Variants in ZFHX3 observed in about 807,000 individuals in gnomAD.
ZFHX3 encodes zinc finger homeobox 3.
A neutral mutation model predicts 279.1 loss-of-function variants in ZFHX3; 42 were observed. The observed-to-expected ratio is 0.15, with a 90% CI of 0.12 to 0.19. ZFHX3 has a LOEUF of 0.19. Among genes scored for constraint, ZFHX3 ranks in the 10% least tolerant of loss-of-function variants. The pLI is 1.00. For synonymous variants in ZFHX3, 2,293 were observed against 1,957.8 expected, an observed-to-expected ratio of 1.17 and a Z score of -4.52; for missense variants, 4,981 against 4,754.0, an observed-to-expected ratio of 1.05 and a Z score of -1.40.
intron 2 of ZFHX3, among the ~76,000 whole-genome samples, chr16:73,494,005 TC>T (rs1334404263): frequency 6.6e-6 from 1 of 151,866 alleles, no homozygotes; most frequent in African/African-American, 2.4e-5. Context: ...TTCTACCTTC[TC>T]CTTGAAGACT....
chr16:73,139,149 A>G (rs1461062518), intron 6 of ZFHX3, among the ~76,000 whole-genome samples: 1 of 151,564 alleles, frequency 6.6e-6, no homozygotes, highest in Non-Finnish European at 1.5e-5. Flanking sequence ...TTCATTGTTT[A>G]CAACATCACT....
intron 2 of ZFHX3, among the ~76,000 whole-genome samples, chr16:73,607,191 G>A (rs1025275009): frequency 2.0e-5 from 3 of 152,112 alleles, no homozygotes; most frequent in Admixed American, 6.5e-5. Flanking sequence ...ACCATGCCTG[G>A]CTAATTTTTG....
intron 7 of ZFHX3, among the ~76,000 whole-genome samples, chr16:73,109,674 G>A (rs1340698526): frequency 1.3e-5 from 2 of 152,184 alleles, no homozygotes; most frequent in African/African-American, 4.8e-5. Flanking sequence ...CAGGGTGAAA[G>A]CCCATCTCTA....
intron 3 of ZFHX3, among the ~76,000 whole-genome samples, chr16:73,438,353 G>A (rs998809511): frequency 6.6e-6 from 1 of 152,188 alleles, no homozygotes; most frequent in African/African-American, 2.4e-5. Flanking sequence ...TGCTGATAAT[G>A]CAGTCACTGG....
chr16:72,950,162 A>T (rs1960911444), intron 3 of ZFHX3, among the ~76,000 whole-genome samples: 1 of 152,010 alleles, frequency 6.6e-6, no homozygotes, highest in Non-Finnish European at 1.5e-5. Flanking sequence ...GGAGCAGAGG[A>T]TGCAAAAGAG....
At chr16:73,184,881 T>C (rs542772611) in intron 5 of ZFHX3, among the ~76,000 whole-genome samples, 22 of 152,386 alleles carry the variant, frequency 1.4e-4, no homozygotes, top group African/African-American at 4.8e-5. Context: ...GAAACATTCA[T>C]TGATTATCTC....
chr16:73,657,317 C>T (rs969818926), intron 2 of ZFHX3, among the ~76,000 whole-genome samples: 1 of 152,220 alleles, frequency 6.6e-6, no homozygotes. Flanking sequence ...ATTAGCCGGG[C>T]GTGGTGGTGC....
intron 3 of ZFHX3, among the ~76,000 whole-genome samples, chr16:73,404,428 C>T (rs960632369): frequency 5.9e-5 from 9 of 152,130 alleles, no homozygotes; most frequent in African/African-American, 1.2e-4. Context: ...GAGGAAAACT[C>T]GTAGGACCTC....
intron 8 of ZFHX3, among the ~76,000 whole-genome samples, chr16:73,079,942 A>T (rs1567658746): frequency 1.3e-5 from 2 of 152,240 alleles, no homozygotes; most frequent in Middle Eastern, 3.4e-3. Context: ...GAGGTCACAC[A>T]GAGCAAGTTT....
At chr16:73,448,884 A>G (rs1164114940) in intron 3 of ZFHX3, among the ~76,000 whole-genome samples, 1 of 152,170 alleles carries the variant, frequency 6.6e-6, no homozygotes, top group Admixed American at 6.5e-5. Context: ...TTCAGAAAGA[A>G]AACTCATGTA....
chr16:73,664,506 T>C (rs1900862672), intron 2 of ZFHX3, among the ~76,000 whole-genome samples: 2 of 152,218 alleles, frequency 1.3e-5, no homozygotes, highest in Admixed American at 6.5e-5. Context: ...GATTCAGTGA[T>C]TGCAAGTGAT....
chr16:73,511,212 G>T (rs945186743), intron 2 of ZFHX3, among the ~76,000 whole-genome samples: 6 of 152,204 alleles, frequency 3.9e-5, no homozygotes, highest in Admixed American at 2.0e-4. Context: ...CAAGTTCCAG[G>T]TAGGATTCAG....
At chr16:73,631,163 G>C (rs1267694890) in intron 2 of ZFHX3, among the ~76,000 whole-genome samples, 1 of 152,180 alleles carries the variant, frequency 6.6e-6, no homozygotes, top group Non-Finnish European at 1.5e-5. Flanking sequence ...GGTCAGGTAT[G>C]AATTTTAGGT....
intron 3 of ZFHX3, among the ~76,000 whole-genome samples, chr16:73,403,978 C>T (rs997118859): frequency 3.9e-5 from 6 of 151,978 alleles, no homozygotes; most frequent in Non-Finnish European, 8.8e-5. Flanking sequence ...AAGAAAGACT[C>T]CTGTGGGGAA....
chr16:73,770,286 T>C (rs1425583164), intron 1 of ZFHX3, among the ~76,000 whole-genome samples: 1 of 152,174 alleles, frequency 6.6e-6, no homozygotes, highest in East Asian at 1.9e-4. Flanking sequence ...AAGGGAACCA[T>C]GAGCCAAAGA....
chr16:73,574,638 G>C (rs1485762867), intron 2 of ZFHX3, among the ~76,000 whole-genome samples: 1 of 152,144 alleles, frequency 6.6e-6, no homozygotes, highest in South Asian at 2.1e-4. Context: ...TCCTAACACA[G>C]GGGTTTTTCC....
intron 7 of ZFHX3, among the ~76,000 whole-genome samples, chr16:72,802,738 T>C (rs375416866): frequency 7.0e-4 from 107 of 152,272 alleles, no homozygotes; most frequent in African/African-American, 2.5e-3. Context: ...GAGGGCCCCA[T>C]GTCAGTTCTC....
In ZFHX3 at chr16:73,673,074, T is replaced by C. The variant is rs1350114743; in HGVS notation, c.-1547+7106A>G. ...ATTTGGTGTGACACAGTTTTTATAA[T>C]ACTCAAAAATTAGAAAGATCTAAAC... On this transcript the variant is annotated intron_variant, in intron 2 of 17. Coordinates refer to the ZFHX3 transcript ENST00000641206. Among the ~76,000 whole-genome samples the C allele has an allele frequency of 3.9e-5, 6 of 152,282 alleles. No individual in the cohort carries two copies. The East Asian group carries it at 1.2e-3, about 29-fold the overall frequency.
At chr16:73,314,283 T>C (rs2015395004) in intron 4 of ZFHX3, among the ~76,000 whole-genome samples, 1 of 152,216 alleles carries the variant, frequency 6.6e-6, no homozygotes. Flanking sequence ...TTGAGCCTGC[T>C]GGCCAACCCT....
Sources: gnomAD v4.1 joint callset for allele counts (sites outside exome capture counted in the v4.1 genomes callset) on GRCh38, gnomAD v4.1.1 for gene constraint, MANE v1.5 for transcripts, NCBI Gene and HGNC (gene_info 2026-07-23, HGNC 2026-07-21) for gene names.